RBMS3: variants seen among roughly 807,000 people sequenced by gnomAD.
RBMS3 encodes RNA binding motif single stranded interacting protein 3.
In RBMS3, 27 loss-of-function variants were observed where a neutral mutation model predicts 66.8. The ratio of observed to expected loss-of-function variants is 0.40; its 90% CI spans 0.30 to 0.56. The LOEUF is 0.56. Ranked by LOEUF, RBMS3 falls within the 20% of genes least tolerant of loss-of-function variation. The probability of loss-of-function intolerance (pLI) is 0.40; values close to 1 mark genes in which losing one functional copy is unlikely to be tolerated. For missense variants in RBMS3, 513 were observed against 549.5 expected, an observed-to-expected ratio of 0.93 and a Z score of 0.66; for synonymous variants, 188 against 183.0, an observed-to-expected ratio of 1.03 and a Z score of -0.22.
At chr3:29,674,925 A>G (rs1395578483) in intron 4 of RBMS3, among the ~76,000 whole-genome samples, 2 of 152,192 alleles carry the variant, frequency 1.3e-5, no homozygotes, top group East Asian at 3.8e-4. Context: ...TATAGAACCA[A>G]AAAAGAGCCT....
At chr3:29,402,036 TGTTA>T (rs1426345814) in intron 1 of RBMS3, among the ~76,000 whole-genome samples, 1 of 152,034 alleles carries the variant, frequency 6.6e-6, no homozygotes, top group Non-Finnish European at 1.5e-5. Flanking sequence ...AGCTGGTGTG[TGTTA>T]GTTGTTGAGA....
At chr3:29,671,120 G>A (rs954650400) in intron 4 of RBMS3, among the ~76,000 whole-genome samples, 8 of 152,196 alleles carry the variant, frequency 5.3e-5, no homozygotes, top group Non-Finnish European at 8.8e-5. Context: ...GCCTCTGCTG[G>A]TGATACCCAG....
chr3:29,643,730 C>A (rs1047821660), intron 4 of RBMS3, among the ~76,000 whole-genome samples: 1 of 151,996 alleles, frequency 6.6e-6, no homozygotes, highest in African/African-American at 2.4e-5. Flanking sequence ...AGGGAGGTTT[C>A]TAGAGAAAAG....
chr3:29,730,767 C>G, intron 4 of RBMS3: 1 of 700,610 alleles, frequency 1.4e-6, no homozygotes, highest in Non-Finnish European at 1.8e-6. Flanking sequence ...TTCCTGTTCT[C>G]ATTTTTGACC....
intron 6 of RBMS3, among the ~76,000 whole-genome samples, chr3:29,867,249 G>A (rs1323641838): frequency 6.6e-6 from 1 of 151,820 alleles, no homozygotes; most frequent in Non-Finnish European, 1.5e-5. Flanking sequence ...AGCTGGGGTG[G>A]GAATGGGGGA....
intron 1 of RBMS3, among the ~76,000 whole-genome samples, chr3:29,334,614 T>C (rs1322087576): frequency 6.6e-6 from 1 of 152,168 alleles, no homozygotes; most frequent in East Asian, 1.9e-4. Context: ...TAAATGAGGC[T>C]TATGGATGAT....
intron 3 of RBMS3, among the ~76,000 whole-genome samples, chr3:29,544,852 G>T (rs1385585220): frequency 6.6e-6 from 1 of 152,054 alleles, no homozygotes; most frequent in African/African-American, 2.4e-5. Flanking sequence ...ATGGGATTTG[G>T]CCCATGGCTA....
At chr3:29,735,480 C>T (rs549282057) in intron 4 of RBMS3, among the ~76,000 whole-genome samples, 1 of 152,202 alleles carries the variant, frequency 6.6e-6, no homozygotes, top group African/African-American at 2.4e-5. Context: ...GGGGGAGTTA[C>T]TTATAGTGAC....
chr3:29,492,635 T>C (rs2043592767), intron 3 of RBMS3, among the ~76,000 whole-genome samples: 1 of 151,882 alleles, frequency 6.6e-6, no homozygotes, highest in African/African-American at 2.4e-5. Context: ...AGATTCTAAA[T>C]GGGAGATTTT....
chr3:29,489,434 C>T (rs1402591403), intron 3 of RBMS3, among the ~76,000 whole-genome samples: 1 of 151,736 alleles, frequency 6.6e-6, no homozygotes, highest in African/African-American at 2.4e-5. Context: ...TATTACAAGA[C>T]AAAGAATAAT....
intron 1 of RBMS3, among the ~76,000 whole-genome samples, chr3:29,325,752 T>C (rs1437551761): frequency 6.6e-6 from 1 of 152,102 alleles, no homozygotes; most frequent in Non-Finnish European, 1.5e-5. Flanking sequence ...ATCTATGGCT[T>C]AAATTATGTA....
At chr3:29,354,056 T>C (rs1418341674) in intron 1 of RBMS3, among the ~76,000 whole-genome samples, 1 of 152,136 alleles carries the variant, frequency 6.6e-6, no homozygotes, top group African/African-American at 2.4e-5. Context: ...TTTTGGTTTG[T>C]TGGTTTTGCT....
At chr3:29,993,333 T>C (rs1699005399) in intron 14 of RBMS3, among the ~76,000 whole-genome samples, 1 of 150,524 alleles carries the variant, frequency 6.6e-6, no homozygotes, top group South Asian at 2.1e-4. Context: ...ACGGGTTATA[T>C]GTGGGGAAAG....
chr3:29,936,015 C>T, intron 10 of RBMS3, 71 bp from the exon 11 acceptor site: 1 of 1,211,726 alleles, frequency 8.3e-7, no homozygotes, highest in Non-Finnish European at 1.2e-6. Flanking sequence ...TTACAATTTA[C>T]AGTGTTTATT....
intron 1 of RBMS3, among the ~76,000 whole-genome samples, chr3:29,424,654 G>C (rs1389993133): frequency 6.6e-6 from 1 of 152,090 alleles, no homozygotes. Context: ...CATTTAATTG[G>C]ACAAAAATAT....
chr3:29,897,434 A>G lies in RBMS3; in HGVS notation c.847A>G (p.Ile283Val). The change falls in exon 9 of 15, where the codon ATC (isoleucine) becomes GTC (valine). Residue 283 changes from isoleucine to valine, a missense_variant. Coordinates refer to ENST00000383767, the MANE Select transcript of RBMS3 (RefSeq NM_001003793.3). ...CAACCGCATGATTCCACAGACATCT[A>G]TCACGCCATTCATTGCTGCTTCCCC... Reference protein sequence around the residue: ...ATNRMIPQTSITPFIAASPVS... With the variant: ...ATNRMIPQTSVTPFIAASPVS... 1.2e-6 allele frequency: 2 copies of G among 1,611,220 alleles called. No individual in the cohort carries two copies. The highest frequency in any genetic ancestry group is 1.7e-6 in the Non-Finnish European group (2 of 1,178,092).
intron 1 of RBMS3, among the ~76,000 whole-genome samples, chr3:29,363,343 T>C (rs1306936444): frequency 6.6e-6 from 1 of 152,176 alleles, no homozygotes; most frequent in Non-Finnish European, 1.5e-5. Context: ...CATGACGAGA[T>C]CAGCAAGATC....
At chr3:29,982,680 C>A (rs186749135) in intron 12 of RBMS3, among the ~76,000 whole-genome samples, 14 of 152,326 alleles carry the variant, frequency 9.2e-5, no homozygotes, top group Admixed American at 5.9e-4. Context: ...ACCCAGTAGT[C>A]ATTCAGGAGA....
In RBMS3 at chr3:29,502,504, G is replaced by A. The variant is rs969150599; in HGVS notation, c.307+14005G>A. On this transcript the variant is annotated intron_variant, in intron 3 of 14. Coordinates refer to ENST00000383767, the MANE Select transcript of RBMS3 (RefSeq NM_001003793.3). ...AAGGCAGACAATTTGATAGAAACAT[G>A]TAGTAGTTCTTATTCTCCCACTTCC... 1.1e-4 allele frequency among the ~76,000 whole-genome samples: 16 copies of A among 152,064 alleles called. 1 individual carries two copies. Among genetic ancestry groups the A allele is most frequent in the Admixed American group, 1.1e-3 (16 of 15,230 alleles).
Sources: allele counts gnomAD v4.1 joint callset (sites outside exome capture counted in the v4.1 genomes callset), GRCh38; gene constraint gnomAD v4.1.1; transcripts MANE v1.5; gene names NCBI Gene and HGNC (gene_info 2026-07-23, HGNC 2026-07-21).